The following GARNL3 variants were observed in gnomAD, a reference collection of about 807,000 sequenced individuals.
GARNL3 encodes GTPase-activating Rap/Ran-GAP domain-like protein 3.
A neutral mutation model predicts 125.0 loss-of-function variants in GARNL3; 63 were observed. The observed-to-expected ratio is 0.50, with a 90% CI of 0.41 to 0.62. GARNL3 has a LOEUF of 0.62. GARNL3 is among the 20% of genes least tolerant of loss of function. GARNL3 has a pLI of 0.00. For missense variants in GARNL3, 994 were observed against 1,244.0 expected (o/e 0.80, Z 3.02); for synonymous variants, 439 against 457.5 (o/e 0.96, Z 0.52).
intron 22 of GARNL3, among the ~76,000 whole-genome samples, chr9:127,366,372 G>A (rs1831287874): frequency 6.6e-6 from 1 of 152,188 alleles, no homozygotes; most frequent in South Asian, 2.1e-4. Flanking sequence ...CAGAACAGCA[G>A]GTCTTTAATG....
At position 127,280,899 on chromosome 9, in the gene GARNL3, G is replaced by T. The variant is rs1451222166; in HGVS notation, c.145-10269G>T. On this transcript the variant is annotated intron_variant, in intron 1 of 27. Coordinates refer to ENST00000373387, the MANE Select transcript of GARNL3 (RefSeq NM_032293.5). This position sits in a 1 kb window ranked among gnomAD's most constrained non-coding sequence, Gnocchi z 4.5. ...GTGGTAACATGTGACAGATAAGGTG[G>T]AGGATGTGATGGGAAGTACAAAAAT... is the stretch of plus-strand genomic sequence containing the variant. Among the ~76,000 whole-genome samples the T allele has an allele frequency of 6.6e-6, 1 of 152,190 alleles. No homozygotes were observed. Among genetic ancestry groups the T allele is most frequent in the Non-Finnish European group, 1.5e-5 (1 of 68,022 alleles).
intron 20 of GARNL3, among the ~76,000 whole-genome samples, chr9:127,355,920 A>G (rs532649929): frequency 2.0e-5 from 3 of 152,322 alleles, no homozygotes; most frequent in African/African-American, 7.2e-5. Context: ...GAGATCCAAA[A>G]GAAGTATGGG....
At chr9:127,316,046 T>C (rs1365843281) in intron 4 of GARNL3, among the ~76,000 whole-genome samples, 1 of 152,200 alleles carries the variant, frequency 6.6e-6, no homozygotes, top group Non-Finnish European at 1.5e-5. Context: ...ACTTAAACAT[T>C]GACTCTGGAA....
intron 1 of GARNL3, among the ~76,000 whole-genome samples, chr9:127,231,228 G>GGTTTTTTTTT (rs1446896913): frequency 2.0e-5 from 2 of 100,532 alleles, no homozygotes; most frequent in African/African-American, 7.6e-5. Flanking sequence ...CTAATTTTTT[G>GGTTTTTTTTT]TTTTTTTTTT....
intron 7 of GARNL3, among the ~76,000 whole-genome samples, chr9:127,330,618 G>C (rs909325170): frequency 2.6e-5 from 4 of 152,226 alleles, no homozygotes; most frequent in African/African-American, 7.2e-5. Flanking sequence ...TTCAATAAAA[G>C]ATTTACAGAG....
intron 2 of GARNL3, among the ~76,000 whole-genome samples, chr9:127,293,713 T>C (rs2064497290): frequency 6.6e-6 from 1 of 152,232 alleles, no homozygotes; most frequent in East Asian, 1.9e-4. Context: ...ATGCTCCTCA[T>C]GTAATGTGCT....
intron 6 of GARNL3, among the ~76,000 whole-genome samples, chr9:127,321,097 T>G: frequency 6.6e-6 from 1 of 152,206 alleles, no homozygotes; most frequent in Non-Finnish European, 1.5e-5. Flanking sequence ...AAGCTACCCT[T>G]TTTACTGAGT....
At chr9:127,357,852 G>C (rs1348961248) in intron 21 of GARNL3, among the ~76,000 whole-genome samples, 2 of 152,168 alleles carry the variant, frequency 1.3e-5, no homozygotes, top group African/African-American at 4.8e-5. Context: ...GCATTTGTTA[G>C]ATGATTTGTC....
chr9:127,296,048 G>A (rs1276578327), intron 2 of GARNL3, among the ~76,000 whole-genome samples: 1 of 152,218 alleles, frequency 6.6e-6, no homozygotes. Context: ...CTCATGAGGA[G>A]CACACAACCT....
intron 1 of GARNL3, among the ~76,000 whole-genome samples, chr9:127,283,048 C>T (rs1164779033): frequency 1.3e-5 from 2 of 152,038 alleles, no homozygotes; most frequent in Non-Finnish European, 2.9e-5. Flanking sequence ...ATATTGAACA[C>T]TGTTCAGTGT....
chr9:127,346,300 C>T (rs553576153), intron 16 of GARNL3, among the ~76,000 whole-genome samples: 2 of 152,262 alleles, frequency 1.3e-5, no homozygotes, highest in South Asian at 4.1e-4. Context: ...GAGAAGTGTC[C>T]ATTATAAAAG....
rs2065376638 is a variant in GARNL3, at chr9:127,320,830, G to A, written c.567+52G>A. On this transcript the variant is annotated intron_variant, in intron 6 of 27. Coordinates refer to ENST00000373387, the MANE Select transcript of GARNL3 (RefSeq NM_032293.5). ...TTGTACAAAATTGATTACAGTGTTAGGATAGAACTGACAGGTCATCATAAT... is the reference window on the plus strand; with the variant it reads ...TTGTACAAAATTGATTACAGTGTTAAGATAGAACTGACAGGTCATCATAAT... The A allele has an allele frequency of 2.5e-6, 3 of 1,196,518 alleles. No homozygotes were observed. The East Asian group carries it at 7.1e-5, about 28-fold the overall frequency. 74.1% of individuals were successfully genotyped at this position (1,196,518 alleles called of 1,614,324 possible). A position where few individuals can be genotyped will look rare whatever the true frequency, so the allele number is the denominator to read the frequency against.
intron 2 of GARNL3, among the ~76,000 whole-genome samples, chr9:127,247,907 G>C (rs1378722199): frequency 6.6e-6 from 1 of 152,032 alleles, no homozygotes; most frequent in African/African-American, 2.4e-5. Context: ...ATTAATTAAA[G>C]CTTACCACTA....
chr9:127,334,703 G>A (rs1829453659), intron 9 of GARNL3, among the ~76,000 whole-genome samples: 1 of 152,168 alleles, frequency 6.6e-6, no homozygotes, highest in Admixed American at 6.5e-5. Flanking sequence ...ATATCCCTAG[G>A]AGTTAGATAC....
chr9:127,329,618 A>T (rs903198868), intron 7 of GARNL3, among the ~76,000 whole-genome samples: 4 of 147,284 alleles, frequency 2.7e-5, no homozygotes, highest in South Asian at 2.3e-4. Flanking sequence ...AAAACCTTTT[A>T]AAAGCATTGG....
At chr9:127,231,791 G>T (rs973393075) in intron 1 of GARNL3, among the ~76,000 whole-genome samples, 1 of 152,170 alleles carries the variant, frequency 6.6e-6, no homozygotes, top group Non-Finnish European at 1.5e-5. Flanking sequence ...TGCTAATACA[G>T]TTCTCAAACA....
rs72766232 is a variant in GARNL3 at position 127,306,923 on chromosome 9, A to C, written c.220-4713A>C. Among the ~76,000 whole-genome samples, 1,522 of 152,262 alleles carry C rather than the reference A, an allele frequency of 1.0e-2. 7 individuals carry two copies. Among genetic ancestry groups the C allele is most frequent in the Non-Finnish European group, 0.016 (1,088 of 68,012 alleles). ...TACATTAATTAATTAATTATAATAC[A>C]TTAAATAATGAATCTAGCAGCAGGC... On this transcript the variant is annotated intron_variant, in intron 2 of 27. Transcript: ENST00000373387.
chr9:127,285,011 T>G (rs1418342602), intron 1 of GARNL3, among the ~76,000 whole-genome samples: 1 of 152,184 alleles, frequency 6.6e-6, no homozygotes, highest in Non-Finnish European at 1.5e-5. Context: ...GAGATGCATA[T>G]TTTCTGATTT....
Position 127,354,372 on chromosome 9 carries a change from G to A in GARNL3, c.1721G>A (p.Arg574Lys), listed in dbSNP as rs747289605. The change falls in exon 19 of 28, where the codon AGG (arginine) becomes AAG (lysine). Residue 574 changes from arginine (R) to lysine (K), a missense_variant. Physicochemically the swap from Arg to Lys is conservative, Grantham distance 26. Transcript: ENST00000373387. ...GAGGGGAAGCAGGCTGGGAAGAGCAGGTCTGACTGCAGAGAAAACAAGTTG... is the reference window on the plus strand; with the variant it reads ...GAGGGGAAGCAGGCTGGGAAGAGCAAGTCTGACTGCAGAGAAAACAAGTTG... ...GLEGKQAGKSRSDCRENKLEK... is the reference protein window; with the variant it reads ...GLEGKQAGKSKSDCRENKLEK... 4 of 1,613,392 alleles carry A rather than the reference G, an allele frequency of 2.5e-6. No homozygotes were observed. The South Asian group carries it at 4.4e-5, about 18-fold the overall frequency.
Sources: allele counts gnomAD v4.1 joint callset (sites outside exome capture counted in the v4.1 genomes callset), GRCh38; gene constraint gnomAD v4.1.1; non-coding constraint Gnocchi (gnomAD v3.1); transcripts MANE v1.5; gene names NCBI Gene and HGNC (gene_info 2026-07-23, HGNC 2026-07-21).